The following LMTK2 variants were observed in gnomAD, a reference collection of about 807,000 sequenced individuals.
The protein encoded by LMTK2 is serine/threonine-protein kinase LMTK2.
In LMTK2, 37 loss-of-function variants were observed where a neutral mutation model predicts 127.5. That is an observed-to-expected ratio of 0.29 (90% CI 0.22 to 0.38). The LOEUF (loss-of-function observed/expected upper bound fraction) is 0.38, where lower values mean the gene tolerates loss of function less well. Ranked by LOEUF, LMTK2 falls within the 10% of genes least tolerant of loss-of-function variation. The probability of loss-of-function intolerance (pLI) is 1.00; values close to 1 mark genes in which losing one functional copy is unlikely to be tolerated. For synonymous variants in LMTK2, 819 were observed against 810.1 expected, an observed-to-expected ratio of 1.01 and a Z score of -0.19; for missense variants, 1,694 against 1,920.3, an observed-to-expected ratio of 0.88 and a Z score of 2.20.
At chr7:98,184,973 C>T (rs910284302) in intron 7 of LMTK2, 78 bp from the exon 8 acceptor site, 185 of 1,006,950 alleles carry the variant, frequency 1.8e-4, no homozygotes, top group Non-Finnish European at 3.6e-5. Context: ...GAGAGAAAGC[C>T]CATTTCTGTG....
At position 98,194,722 on chromosome 7, in the gene LMTK2, T is replaced by C. The variant is rs756716756; in HGVS notation, c.4107+150T>C. 5.8e-6 allele frequency: 4 copies of C among 687,652 alleles called. No homozygotes were observed. The highest frequency in any genetic ancestry group is 9.6e-6 in the Non-Finnish European group (4 of 418,286). 42.6% of individuals were successfully genotyped at this position (687,652 alleles called of 1,614,324 possible). On this transcript the variant is annotated intron_variant, in intron 11 of 13. Transcript: ENST00000297293. This position sits in a 1 kb window ranked among gnomAD's most constrained non-coding sequence, Gnocchi z 5.4. Reference sequence around the variant, plus strand: ...AAAAGTAATTTGGGGTTGGTTAGAGTTCTAAGAATATGCAGAAATGTCATT... The same window carrying C: ...AAAAGTAATTTGGGGTTGGTTAGAGCTCTAAGAATATGCAGAAATGTCATT...
At chr7:98,135,559 C>T (rs1240115412) in intron 1 of LMTK2, among the ~76,000 whole-genome samples, 1 of 151,962 alleles carries the variant, frequency 6.6e-6, no homozygotes, top group Non-Finnish European at 1.5e-5. Flanking sequence ...TGGGCTCAAG[C>T]GATCCTCCCA....
chr7:98,194,545 T>A lies in LMTK2; in HGVS notation c.4080T>A (p.Asp1360Glu). Residue 1360 changes from aspartate to glutamate, a missense_variant, in exon 11 of 14, where the codon GAT (aspartate) becomes GAA (glutamate). Around this residue, in one of 8 missense-constraint regions of LMTK2, gnomAD observed 554 missense variants for 567.7 expected, o/e 0.98. Transcript: ENST00000297293. The surrounding 1 kb of genome is among the most constrained non-coding windows in gnomAD (Gnocchi z 5.4). ...KKEKKAVTFF[D>E]DVTVYLFDQE... ...AAAAGAAGGCAGTCACGTTTTTCGA[T>A]GATGTCACAGTCTACCTGTTTGACC... 6.2e-7 allele frequency: 1 copy of A among 1,608,496 alleles called. No individual in the cohort carries two copies. The highest frequency in any genetic ancestry group is 8.5e-7 in the Non-Finnish European group (1 of 1,179,938).
At chr7:98,123,724 C>CAG (rs58532887) in intron 1 of LMTK2, among the ~76,000 whole-genome samples, 65,687 of 151,092 alleles carry the variant, frequency 0.43, 15,010 homozygotes, top group Middle Eastern at 0.61. Context: ...CACACACACA[C>CAG]ACAGACATAC....
At chr7:98,138,439 C>G (rs1796627002) in intron 2 of LMTK2, among the ~76,000 whole-genome samples, 1 of 152,182 alleles carries the variant, frequency 6.6e-6, no homozygotes, top group Admixed American at 6.5e-5. Flanking sequence ...TGGGTCAGCA[C>G]TGGCCGTATA....
rs776456341 is a variant in LMTK2, at chr7:98,191,600, C to T, written c.1149-14C>T. 37 of 1,550,344 alleles carry T rather than the reference C, an allele frequency of 2.4e-5. No homozygotes were observed. The highest frequency in any genetic ancestry group is 3.0e-5 in the Non-Finnish European group (35 of 1,150,912). On this transcript the variant is annotated splice_polypyrimidine_tract_variant and intron_variant, in intron 10 of 13. Coordinates refer to ENST00000297293, the MANE Select transcript of LMTK2 (RefSeq NM_014916.4). ...CGTGATGGTTCCACTGATTGCTTGT[C>T]GTGTGCTGCTCAGGTATGAAGTCTT... is the stretch of plus-strand genomic sequence containing the variant.
At position 98,166,107 on chromosome 7, in the gene LMTK2, C is replaced by A. The variant is rs1797094762; in HGVS notation, c.658-5434C>A. 3.3e-5 allele frequency among the ~76,000 whole-genome samples: 5 copies of A among 152,376 alleles called. No individual in the cohort carries two copies. In the South Asian group the frequency reaches 1.0e-3, roughly 32 times the overall value. ...TTGGCCCTTGCTGAGTCTGCCTCGG[C>A]TGCCTCTGGCCAGGCCCTTCCGGTC... On this transcript the variant is annotated intron_variant, in intron 6 of 13. Transcript: ENST00000297293.
intron 8 of LMTK2, among the ~76,000 whole-genome samples, chr7:98,185,766 T>C (rs1797423909): frequency 6.6e-6 from 1 of 151,678 alleles, no homozygotes; most frequent in Non-Finnish European, 1.5e-5. Flanking sequence ...CTTGCTATAT[T>C]GCCCAGGCTG....
chr7:98,167,943 A>G (rs1001329827), intron 6 of LMTK2, among the ~76,000 whole-genome samples: 2 of 152,174 alleles, frequency 1.3e-5, no homozygotes, highest in African/African-American at 2.4e-5. Context: ...TGTTTAAGCA[A>G]GGAAAGAACG....
chr7:98,194,446 A>G lies in LMTK2; in HGVS notation c.3981A>G (p.Gly1327=). The G allele has an allele frequency of 1.2e-6, 2 of 1,614,090 alleles. No individual in the cohort carries two copies. Among genetic ancestry groups the G allele is most frequent in the Non-Finnish European group, 1.7e-6 (2 of 1,180,048 alleles). ...CCATCATCCTCAGCAACGAGGACGG[A>G]AGGCACCTGCGGAGTCTGTTGAAGC... ...PVPIILSNED[G]RHLRSLLKPT... The change falls in exon 11 of 14, where the codon GGA becomes GGG. Residue 1327 remains glycine (G), a synonymous_variant. Transcript: ENST00000297293. The surrounding 1 kb of genome is among the most constrained non-coding windows in gnomAD (Gnocchi z 5.4).
chr7:98,203,639 A>C lies in LMTK2; in HGVS notation c.4173A>C (p.Pro1391=). 6.2e-7 allele frequency: 1 copy of C among 1,613,582 alleles called. No individual in the cohort carries two copies. The highest frequency in any genetic ancestry group is 8.5e-7 in the Non-Finnish European group (1 of 1,179,896). ...GEACGPDLSG[P]APASGSPYLS... is the part of the protein sequence containing the mutation. ...CGTGCGGCCCGGACCTGAGCGGCCCAGCCCCAGCCTCAGGCTCTCCCTACC... is the reference window on the plus strand; with the variant it reads ...CGTGCGGCCCGGACCTGAGCGGCCCCGCCCCAGCCTCAGGCTCTCCCTACC... The change falls in exon 12 of 14, where the codon CCA becomes CCC. Residue 1391 remains proline, a synonymous_variant. Transcript: ENST00000297293.
chr7:98,143,133 G>A (rs1796722666), intron 3 of LMTK2, among the ~76,000 whole-genome samples: 1 of 152,126 alleles, frequency 6.6e-6, no homozygotes, highest in Non-Finnish European at 1.5e-5. Context: ...ATGGTGACCT[G>A]GGCAGCCATT....
intron 5 of LMTK2, among the ~76,000 whole-genome samples, chr7:98,155,706 G>A (rs1358326836): frequency 6.6e-6 from 1 of 150,980 alleles, no homozygotes; most frequent in Non-Finnish European, 1.5e-5. Flanking sequence ...GGAATGAAGG[G>A]GAATATCAAG....
intron 1 of LMTK2, among the ~76,000 whole-genome samples, chr7:98,134,731 G>A (rs889150483): frequency 2.0e-5 from 3 of 152,032 alleles, no homozygotes; most frequent in Non-Finnish European, 2.9e-5. Flanking sequence ...ACAGCTCACT[G>A]CAAGGAGGAA....
intron 7 of LMTK2, among the ~76,000 whole-genome samples, chr7:98,174,656 G>A (rs1797250327): frequency 6.6e-6 from 1 of 152,178 alleles, no homozygotes; most frequent in Non-Finnish European, 1.5e-5. Flanking sequence ...ACCTGGAGGG[G>A]GTAGCCTTGC....
chr7:98,180,063 A>G (rs933139041), intron 7 of LMTK2, among the ~76,000 whole-genome samples: 13 of 152,220 alleles, frequency 8.5e-5, no homozygotes, highest in African/African-American at 3.1e-4. Context: ...TGTGGTGAAG[A>G]TTAAACACTT....
chr7:98,156,595 G>A (rs774556386), intron 5 of LMTK2, among the ~76,000 whole-genome samples: 100 of 152,230 alleles, frequency 6.6e-4, no homozygotes, highest in Non-Finnish European at 1.1e-3. Context: ...AAATAGCTTG[G>A]CAGTTTCTTA....
intron 7 of LMTK2, among the ~76,000 whole-genome samples, chr7:98,183,751 T>G (rs560806473): frequency 2.2e-4 from 33 of 152,230 alleles, no homozygotes; most frequent in African/African-American, 7.9e-4. Flanking sequence ...GCCAGGCTGG[T>G]CTTGAACTCC....
chr7:98,114,157 G>C (rs10215577), intron 1 of LMTK2, among the ~76,000 whole-genome samples: 224 of 151,986 alleles, frequency 1.5e-3, no homozygotes, highest in African/African-American at 5.3e-3. Flanking sequence ...TTGGTAGGAG[G>C]GGGTGGTGGT....
Sources: gnomAD v4.1 joint callset for allele counts (sites outside exome capture counted in the v4.1 genomes callset) on GRCh38, gnomAD v4.1.1 for gene constraint, gnomAD v4.1.1 regional missense constraint, Gnocchi (gnomAD v3.1) non-coding constraint, MANE v1.5 for transcripts, NCBI Gene and HGNC (gene_info 2026-07-23, HGNC 2026-07-21) for gene names.